PSME4: variants seen among roughly 807,000 people sequenced by gnomAD.
PSME4 encodes the protein proteasome activator subunit 4, also known as proteasome activator complex subunit 4.
In PSME4, 89 loss-of-function variants were observed where a neutral mutation model predicts 253.9. The observed-to-expected ratio is 0.35, with a 90% CI of 0.30 to 0.42. The LOEUF is 0.42. Among genes scored for constraint, PSME4 ranks in the 10% least tolerant of loss-of-function variants. PSME4 has a pLI of 1.00. For missense variants in PSME4, 2,014 were observed against 2,195.2 expected (o/e 0.92, Z 1.65); for synonymous variants, 851 against 759.2 (o/e 1.12, Z -1.99).
intron 20 of PSME4, among the ~76,000 whole-genome samples, chr2:53,914,498 T>C (rs1055208339): frequency 1.3e-5 from 2 of 152,214 alleles, no homozygotes; most frequent in Admixed American, 6.5e-5. Flanking sequence ...CTGTTTTCAA[T>C]AGTACGAAAT....
At chr2:53,966,011 G>T (rs1165272471) in intron 1 of PSME4, among the ~76,000 whole-genome samples, 2 of 152,138 alleles carry the variant, frequency 1.3e-5, no homozygotes, top group East Asian at 3.9e-4. Context: ...GGCACTACAT[G>T]GTGACTCACG....
intron 41 of PSME4, among the ~76,000 whole-genome samples, chr2:53,885,477 T>C (rs918699647): frequency 4.6e-5 from 7 of 152,228 alleles, no homozygotes; most frequent in African/African-American, 1.4e-4. Context: ...AATTTTCATG[T>C]AGCTGTCAAA....
In PSME4 at chr2:53,869,476, G is replaced by A; in HGVS notation, c.5163C>T (p.Asp1721=). 6.3e-7 allele frequency: 1 copy of A among 1,597,618 alleles called. No homozygotes were observed. Among genetic ancestry groups the A allele is most frequent in the South Asian group, 1.1e-5 (1 of 88,556 alleles). ...GLLQCNFLTM[D]SPMQIHFEQL... is the part of the protein sequence containing the mutation. ...GCTCAAAATGAATCTGCATAGGACT[G>A]TCCATGGTAAGAAAGTTACACTGTA... is the stretch of plus-strand genomic sequence containing the variant. The change falls in exon 44 of 47, where the codon GAC becomes GAT. Residue 1721 remains aspartate (D), a synonymous_variant. Coordinates refer to ENST00000404125, the MANE Select transcript of PSME4 (RefSeq NM_014614.3).
At chr2:53,967,349 T>C (rs1670784896) in intron 1 of PSME4, among the ~76,000 whole-genome samples, 1 of 151,656 alleles carries the variant, frequency 6.6e-6, no homozygotes. Flanking sequence ...CTACTAAAAA[T>C]GAAGAAAAAA....
chr2:53,927,558 T>C (rs937675229), intron 11 of PSME4, 75 bp from the exon 12 acceptor site: 5 of 1,012,002 alleles, frequency 4.9e-6, no homozygotes, highest in Non-Finnish European at 7.7e-6. Context: ...TGAACTACAA[T>C]AAATTACCCC....
chr2:53,901,808 G>A (rs963823860), intron 27 of PSME4, among the ~76,000 whole-genome samples: 2 of 152,152 alleles, frequency 1.3e-5, no homozygotes, highest in Non-Finnish European at 2.9e-5. Flanking sequence ...GGTGGCTCAC[G>A]CCTGTAATTC....
chr2:53,909,865 A>G (rs1667751799), intron 21 of PSME4, among the ~76,000 whole-genome samples: 1 of 152,004 alleles, frequency 6.6e-6, no homozygotes, highest in Non-Finnish European at 1.5e-5. Flanking sequence ...GGGAGGCTGG[A>G]GCAGGAGAAT....
In PSME4 at chr2:53,922,687, C is replaced by G. The variant is rs1668380762; in HGVS notation, c.1979-103G>C. On this transcript the variant is annotated intron_variant, in intron 16 of 46. Transcript: ENST00000404125. ...AATATTTCCAATAGCTGAGGAAAACCTCTTTTAGGAAGACTTTTTATTTCT... is the reference window on the plus strand; with the variant it reads ...AATATTTCCAATAGCTGAGGAAAACGTCTTTTAGGAAGACTTTTTATTTCT... 24 of 1,344,002 alleles carry G rather than the reference C, an allele frequency of 1.8e-5. 1 individual carries two copies. The South Asian group carries it at 3.2e-4, about 18-fold the overall frequency. The allele number at this position is 1,344,002 out of a possible 1,614,324, so 83.3% of individuals were successfully genotyped here.
At chr2:53,962,005 G>A (rs949152171) in intron 1 of PSME4, among the ~76,000 whole-genome samples, 1 of 152,212 alleles carries the variant, frequency 6.6e-6, no homozygotes, top group African/African-American at 2.4e-5. Context: ...GTAACTTGTG[G>A]AATGCTGAGA....
At chr2:53,966,886 G>A (rs957815381) in intron 1 of PSME4, among the ~76,000 whole-genome samples, 2 of 152,142 alleles carry the variant, frequency 1.3e-5, no homozygotes, top group African/African-American at 4.8e-5. Flanking sequence ...TTTTAGTAGA[G>A]ATGGGGTTTC....
intron 18 of PSME4, 62 bp from the exon 19 acceptor site, chr2:53,920,412 C>A (rs1209258944): frequency 2.1e-6 from 3 of 1,411,354 alleles, no homozygotes; most frequent in Non-Finnish European, 2.9e-6. Flanking sequence ...AACAAACCCA[C>A]ATACATATAC....
intron 45 of PSME4, among the ~76,000 whole-genome samples, 165 bp from the exon 46 acceptor site, chr2:53,866,388 T>G (rs1210214019): frequency 6.6e-6 from 1 of 152,232 alleles, no homozygotes; most frequent in Non-Finnish European, 1.5e-5. Context: ...AATGGTCTTT[T>G]GAGTTACTAA....
Position 53,866,738 on chromosome 2 carries a change from G to T in PSME4, c.5397+9C>A, listed in dbSNP as rs1330548366. The T allele has an allele frequency of 1.9e-6, 3 of 1,610,162 alleles. No individual in the cohort carries two copies. Among genetic ancestry groups the T allele is most frequent in the African/African-American group, 2.7e-5 (2 of 74,734 alleles). On this transcript the variant is annotated intron_variant, in intron 45 of 46. Coordinates refer to ENST00000404125, the MANE Select transcript of PSME4 (RefSeq NM_014614.3). ...AATACACGTACAAACTAATAAGGAAGAACTGTACCTCAATAGGCTGAGGAT... is the reference window on the plus strand; with the variant it reads ...AATACACGTACAAACTAATAAGGAATAACTGTACCTCAATAGGCTGAGGAT...
At position 53,893,710 on chromosome 2, in the gene PSME4, T is replaced by C. The variant is rs1680016937; in HGVS notation, c.4002A>G (p.Lys1334=). ...TFLSLEDRKG[K]DKFNPRRFCL... is the part of the protein sequence containing the mutation. ...AAAAACGTCGTGGATTAAACTTATC[T>C]TTTCCTTTTCTGTCTTCTAATGATA... Residue 1334 remains lysine, a synonymous_variant, in exon 35 of 47, where the codon AAA becomes AAG. Transcript: ENST00000404125. 6.2e-7 allele frequency: 1 copy of C among 1,610,518 alleles called. No individual in the cohort carries two copies. Among genetic ancestry groups the C allele is most frequent in the African/African-American group, 1.3e-5 (1 of 74,804 alleles).
intron 20 of PSME4, among the ~76,000 whole-genome samples, chr2:53,918,100 C>A (rs1214679026): frequency 6.6e-6 from 1 of 152,074 alleles, no homozygotes; most frequent in Non-Finnish European, 1.5e-5. Flanking sequence ...GACATGTAGC[C>A]ACATTTTGAA....
intron 41 of PSME4, among the ~76,000 whole-genome samples, chr2:53,880,909 G>T (rs987712123): frequency 2.0e-5 from 3 of 152,094 alleles, no homozygotes; most frequent in South Asian, 2.1e-4. Context: ...TAAAAAAGAA[G>T]ATATTCATTT....
At chr2:53,877,969 G>A (rs6726173) in intron 41 of PSME4, among the ~76,000 whole-genome samples, 104 of 152,192 alleles carry the variant, frequency 6.8e-4, no homozygotes, top group Middle Eastern at 3.4e-3. Context: ...CTGTTCTACT[G>A]GGAAAAATCG....
At chr2:53,958,364 CAAAAAAACAAA>C (rs1394757932) in intron 1 of PSME4, among the ~76,000 whole-genome samples, 1 of 92,190 alleles carries the variant, frequency 1.1e-5, no homozygotes, top group Non-Finnish European at 2.7e-5. Flanking sequence ...TCAAAAAAAA[CAAAAAAACAAA>C]AAAACAAAAA....
At chr2:53,870,373 G>GC (rs1678811834) in intron 43 of PSME4, 1 of 115,904 alleles carries the variant, frequency 8.6e-6, no homozygotes, top group Non-Finnish European at 1.7e-5. Context: ...TTTTCTTTTC[G>GC]TTTTTTTTTT....
Sources: gnomAD v4.1 joint callset for allele counts (sites outside exome capture counted in the v4.1 genomes callset) on GRCh38, gnomAD v4.1.1 for gene constraint, MANE v1.5 for transcripts, NCBI Gene and HGNC (gene_info 2026-07-23, HGNC 2026-07-21) for gene names.